L3MBTL3: variants seen among roughly 807,000 people sequenced by gnomAD.
L3MBTL3 encodes lethal(3)malignant brain tumor-like protein 3.
A neutral mutation model predicts 102.3 loss-of-function variants in L3MBTL3; 27 were observed. The ratio of observed to expected loss-of-function variants is 0.26; its 90% CI spans 0.19 to 0.36. L3MBTL3 has a LOEUF of 0.36. L3MBTL3 is among the 10% of genes least tolerant of loss of function. L3MBTL3 has a pLI of 1.00. For synonymous variants in L3MBTL3, 340 were observed against 320.9 expected, an observed-to-expected ratio of 1.06 and a Z score of -0.64; for missense variants, 798 against 955.3, an observed-to-expected ratio of 0.84 and a Z score of 2.17.
At position 130,086,264 on chromosome 6, in the gene L3MBTL3, G is replaced by C; in HGVS notation, c.1518+14G>C. 1 of 1,519,024 alleles carries C rather than the reference G, an allele frequency of 6.6e-7. No individual in the cohort carries two copies. The highest frequency in any genetic ancestry group is 9.0e-7 in the Non-Finnish European group (1 of 1,107,122). The allele number at this position is 1,519,024 out of a possible 1,614,324, so 94.1% of individuals were successfully genotyped here. On this transcript the variant is annotated intron_variant, in intron 16 of 22. Coordinates refer to ENST00000361794, the MANE Select transcript of L3MBTL3 (RefSeq NM_032438.4). The stretch of plus-strand genomic sequence containing the variant: ...CACCGGGTAAAAGTAAGTGTTCTGT[G>C]TGGGGGGTTGGCTTTGTCTTTTGTT...
chr6:130,122,370 G>A (rs1219750306), intron 20 of L3MBTL3, among the ~76,000 whole-genome samples: 3 of 152,172 alleles, frequency 2.0e-5, no homozygotes, highest in African/African-American at 7.2e-5. Flanking sequence ...TGTTTATGTA[G>A]CACGGTGTAC....
chr6:130,118,653 TGTTTG>T (rs767460861), intron 19 of L3MBTL3, among the ~76,000 whole-genome samples: 49 of 152,228 alleles, frequency 3.2e-4, no homozygotes, highest in Admixed American at 5.2e-4. Context: ...GAGTTCTTCA[TGTTTG>T]GTAAAAATAC....
chr6:130,056,826 C>A (rs973114042), intron 8 of L3MBTL3, among the ~76,000 whole-genome samples: 2 of 152,118 alleles, frequency 1.3e-5, no homozygotes, highest in African/African-American at 4.8e-5. Context: ...CAGTCTCATC[C>A]CCAAAGTACC....
At chr6:130,079,121 A>G (rs1302891854) in intron 14 of L3MBTL3, among the ~76,000 whole-genome samples, 2 of 152,188 alleles carry the variant, frequency 1.3e-5, no homozygotes, top group Non-Finnish European at 2.9e-5. Flanking sequence ...TTGTGTGTGG[A>G]TTGGAGACCA....
intron 20 of L3MBTL3, among the ~76,000 whole-genome samples, chr6:130,130,418 C>G (rs1786927671): frequency 6.6e-6 from 1 of 152,080 alleles, no homozygotes; most frequent in South Asian, 2.1e-4. Flanking sequence ...AAAGTCAGCC[C>G]TATGGTATTA....
At chr6:130,132,610 T>A (rs1787178088) in intron 20 of L3MBTL3, among the ~76,000 whole-genome samples, 1 of 152,218 alleles carries the variant, frequency 6.6e-6, no homozygotes, top group Non-Finnish European at 1.5e-5. Context: ...CAGAAAAGGT[T>A]TCTGTTCTAA....
intron 8 of L3MBTL3, 30 bp from the exon 9 acceptor site, chr6:130,057,376 T>C: frequency 6.4e-7 from 1 of 1,555,832 alleles, no homozygotes. Flanking sequence ...ATTTGGAAAT[T>C]CTGTCATTTC....
At chr6:130,040,480 T>C (rs549355626) in intron 2 of L3MBTL3, among the ~76,000 whole-genome samples, 1 of 152,260 alleles carries the variant, frequency 6.6e-6, no homozygotes, top group East Asian at 1.9e-4. Context: ...CATATTTCAT[T>C]ATGAAATATT....
At position 130,083,721 on chromosome 6, in the gene L3MBTL3, T is replaced by C. The variant is rs756825370; in HGVS notation, c.1407+16T>C. On this transcript the variant is annotated intron_variant, in intron 15 of 22. Coordinates refer to ENST00000361794, the MANE Select transcript of L3MBTL3 (RefSeq NM_032438.4). ...TTTCAAAGTGGTAAGATGATACATT[T>C]TATTAATTTGCGTGGATGAGATCAT... 43 of 1,360,948 alleles carry C rather than the reference T, an allele frequency of 3.2e-5. No homozygotes were observed. The highest frequency in any genetic ancestry group is 4.3e-5 in the Non-Finnish European group (42 of 970,418). The allele number at this position is 1,360,948 out of a possible 1,614,324, so 84.3% of individuals were successfully genotyped here. A position where few individuals can be genotyped will look rare whatever the true frequency, so the allele number is the denominator to read the frequency against.
At chr6:130,083,449 G>A (rs988851756) in intron 14 of L3MBTL3, among the ~76,000 whole-genome samples, 171 bp from the exon 15 acceptor site, 5 of 151,928 alleles carry the variant, frequency 3.3e-5, no homozygotes, top group Admixed American at 3.3e-4. Context: ...TAATGATCAA[G>A]ATGAAAACAA....
At chr6:130,113,865 T>G (rs1367495288) in intron 19 of L3MBTL3, among the ~76,000 whole-genome samples, 1 of 147,770 alleles carries the variant, frequency 6.8e-6, no homozygotes, top group Non-Finnish European at 1.5e-5. Context: ...CATATATAAA[T>G]CTATTTGCTT....
chr6:130,038,237 G>C (rs1216149829), intron 2 of L3MBTL3, among the ~76,000 whole-genome samples: 1 of 152,042 alleles, frequency 6.6e-6, no homozygotes, highest in Non-Finnish European at 1.5e-5. Flanking sequence ...AAACATGGGA[G>C]TAGAGATATC....
At position 130,048,941 on chromosome 6, in the gene L3MBTL3, A is replaced by AACAC. The variant is rs6149808; in HGVS notation, c.103-315_103-312dup. ...GTAAGAAAAAATAAGTCTTAGTTAA[A>AACAC]ACACACACACACACACACACACACA... On this transcript the variant is annotated intron_variant, in intron 3 of 22. Coordinates refer to ENST00000361794, the MANE Select transcript of L3MBTL3 (RefSeq NM_032438.4). Among the ~76,000 whole-genome samples, 541 of 78,520 alleles carry AACAC rather than the reference A, an allele frequency of 6.9e-3. 1 individual carries two copies. Among genetic ancestry groups the AACAC allele is most frequent in the East Asian group, 0.024 (51 of 2,128 alleles). 51.5% of individuals were successfully genotyped at this position (78,520 alleles called of 152,430 possible).
intron 16 of L3MBTL3, among the ~76,000 whole-genome samples, chr6:130,090,237 A>G (rs1019480294): frequency 1.1e-4 from 16 of 152,130 alleles, no homozygotes; most frequent in African/African-American, 3.1e-4. Flanking sequence ...ATTCTATTTC[A>G]TTATATGAAT....
intron 10 of L3MBTL3, among the ~76,000 whole-genome samples, chr6:130,063,781 G>A (rs1308262073): frequency 6.6e-6 from 1 of 152,106 alleles, no homozygotes; most frequent in East Asian, 1.9e-4. Flanking sequence ...CACTATGTCA[G>A]GGGCCATTTT....
intron 2 of L3MBTL3, among the ~76,000 whole-genome samples, chr6:130,037,374 T>C (rs1780127334): frequency 6.6e-6 from 1 of 152,104 alleles, no homozygotes. Flanking sequence ...CACTCAGATA[T>C]TACCAAGTTT....
chr6:130,082,977 A>ATTTCCCACCATACTGGGCCACTG (rs1783460927), intron 14 of L3MBTL3, among the ~76,000 whole-genome samples: 1 of 152,110 alleles, frequency 6.6e-6, no homozygotes, highest in African/African-American at 2.4e-5. Flanking sequence ...TATGTGGCTA[A>ATTTCCCACCATACTGGGCCACTG]TTTCCCACCA....
At chr6:130,093,030 G>GA (rs1315250138) in intron 17 of L3MBTL3, among the ~76,000 whole-genome samples, 171 bp downstream of exon 17, 1 of 151,474 alleles carries the variant, frequency 6.6e-6, no homozygotes, top group Non-Finnish European at 1.5e-5. Flanking sequence ...AATATAAATG[G>GA]AAAAAAAACT....
intron 22 of L3MBTL3, among the ~76,000 whole-genome samples, chr6:130,135,728 G>A (rs570815866): frequency 6.6e-6 from 1 of 152,264 alleles, no homozygotes; most frequent in East Asian, 1.9e-4. Context: ...CTGTCGATAT[G>A]AATTATTCAT....
Sources: gnomAD v4.1 joint callset for allele counts (sites outside exome capture counted in the v4.1 genomes callset) on GRCh38, gnomAD v4.1.1 for gene constraint, MANE v1.5 for transcripts, NCBI Gene and HGNC (gene_info 2026-07-23, HGNC 2026-07-21) for gene names.